Variants in GABRB1 observed in about 807,000 individuals in gnomAD.
GABRB1 encodes the protein gamma-aminobutyric acid receptor subunit beta-1.
In GABRB1, 17 loss-of-function variants were observed where a neutral mutation model predicts 51.6. The ratio of observed to expected loss-of-function variants is 0.33; its 90% CI spans 0.23 to 0.49. The LOEUF is 0.49. Ranked by LOEUF, GABRB1 falls within the 20% of genes least tolerant of loss-of-function variation. GABRB1 has a pLI of 0.99. For missense variants in GABRB1, 410 were observed against 600.6 expected (o/e 0.68, Z 3.32); for synonymous variants, 247 against 218.9 (o/e 1.13, Z -1.14).
chr4:47,387,048 AC>A (rs2110035187), intron 5 of GABRB1, among the ~76,000 whole-genome samples: 3 of 152,358 alleles, frequency 2.0e-5, no homozygotes, highest in African/African-American at 7.2e-5. Flanking sequence ...GGGAAATCTT[AC>A]AGGGCTCTGT....
chr4:47,049,284 G>C (rs1341584574), intron 3 of GABRB1, among the ~76,000 whole-genome samples: 2 of 152,148 alleles, frequency 1.3e-5, no homozygotes, highest in Non-Finnish European at 2.9e-5. Flanking sequence ...CAAGATTCCT[G>C]CCGGTGGAAA....
chr4:47,218,366 C>T (rs982094772), intron 4 of GABRB1, among the ~76,000 whole-genome samples: 13 of 151,748 alleles, frequency 8.6e-5, no homozygotes, highest in Admixed American at 7.2e-4. Flanking sequence ...AATGGGATTG[C>T]TGCATTGTAT....
chr4:47,212,751 C>T (rs28663255), intron 4 of GABRB1, among the ~76,000 whole-genome samples: 30,964 of 152,034 alleles, frequency 0.2, 3,297 homozygotes, highest in East Asian at 0.25. Flanking sequence ...TTAATTATTC[C>T]TATAAAAAAT....
chr4:47,323,301 A>T (rs1725147372), intron 5 of GABRB1, among the ~76,000 whole-genome samples: 1 of 152,210 alleles, frequency 6.6e-6, no homozygotes, highest in African/African-American at 2.4e-5. Flanking sequence ...TGAATCCCTT[A>T]TTAACAATAG....
intron 4 of GABRB1, among the ~76,000 whole-genome samples, chr4:47,188,827 G>A (rs937899206): frequency 2.6e-5 from 4 of 151,956 alleles, no homozygotes; most frequent in African/African-American, 7.2e-5. Flanking sequence ...CCTGGCTTAT[G>A]TAAGTTCAAT....
At chr4:47,412,194 A>G (rs1728779360) in intron 8 of GABRB1, among the ~76,000 whole-genome samples, 1 of 152,174 alleles carries the variant, frequency 6.6e-6, no homozygotes, top group African/African-American at 2.4e-5. Context: ...TTTAAGCTAC[A>G]GCTTCCCAAT....
intron 8 of GABRB1, among the ~76,000 whole-genome samples, 194 bp from the exon 9 acceptor site, chr4:47,425,480 T>TGATAGACA (rs1553884619): frequency 2.8e-5 from 4 of 142,318 alleles, no homozygotes; most frequent in East Asian, 2.1e-4. Context: ...TGGATGATGA[T>TGATAGACA]GATAGATAGA....
intron 4 of GABRB1, among the ~76,000 whole-genome samples, chr4:47,286,912 G>A (rs187029929): frequency 2.0e-5 from 3 of 152,238 alleles, no homozygotes; most frequent in Admixed American, 6.5e-5. Context: ...CCACCCATTA[G>A]CAACACCCTA....
chr4:47,195,468 T>TG (rs1719644269), intron 4 of GABRB1, among the ~76,000 whole-genome samples: 5 of 88,140 alleles, frequency 5.7e-5, no homozygotes, highest in Non-Finnish European at 2.4e-5. Flanking sequence ...AGATGATAGA[T>TG]AGATAGATAG....
intron 4 of GABRB1, among the ~76,000 whole-genome samples, chr4:47,262,629 A>G (rs1429178935): frequency 6.6e-6 from 1 of 152,202 alleles, no homozygotes; most frequent in Non-Finnish European, 1.5e-5. Context: ...TGTGGAAGTC[A>G]GTGTGGCGAT....
intron 8 of GABRB1, among the ~76,000 whole-genome samples, chr4:47,414,614 ACAATAC>A (rs1422401121): frequency 3.3e-5 from 5 of 152,276 alleles, no homozygotes; most frequent in Admixed American, 1.3e-4. Context: ...TTTTCCTTTC[ACAATAC>A]CAAATATGCA....
chr4:47,038,840 A>G (rs1231062131), intron 3 of GABRB1, among the ~76,000 whole-genome samples: 2 of 152,192 alleles, frequency 1.3e-5, no homozygotes, highest in African/African-American at 4.8e-5. Flanking sequence ...AGGGGGCTCA[A>G]ATGACATAAT....
intron 4 of GABRB1, among the ~76,000 whole-genome samples, chr4:47,300,144 G>A (rs1268658955): frequency 6.6e-6 from 1 of 151,686 alleles, no homozygotes; most frequent in Middle Eastern, 3.4e-3. Flanking sequence ...AAGGCTAAAT[G>A]ACAAGTTAAT....
intron 4 of GABRB1, among the ~76,000 whole-genome samples, chr4:47,166,955 A>C (rs10517188): frequency 0.015 from 2,322 of 152,184 alleles, 65 homozygotes; most frequent in African/African-American, 0.053. Context: ...CTGCAATTTA[A>C]TCTTACAAAT....
chr4:47,336,511 T>C (rs1439961827), intron 5 of GABRB1, among the ~76,000 whole-genome samples: 1 of 152,176 alleles, frequency 6.6e-6, no homozygotes, highest in Non-Finnish European at 1.5e-5. Flanking sequence ...CAAGACACAG[T>C]GGCAATAGCT....
chr4:47,221,611 T>C (rs1016763376), intron 4 of GABRB1, among the ~76,000 whole-genome samples: 1 of 151,906 alleles, frequency 6.6e-6, no homozygotes, highest in African/African-American at 2.4e-5. Context: ...TTCATGGTAG[T>C]TATGCCGTAT....
chr4:47,130,278 A>G (rs1168895805), intron 3 of GABRB1, among the ~76,000 whole-genome samples: 1 of 151,488 alleles, frequency 6.6e-6, no homozygotes, highest in African/African-American at 2.4e-5. Context: ...CCACCTCCAC[A>G]GCCCCATACC....
At position 47,257,606 on chromosome 4, in the gene GABRB1, CTACTT is replaced by C. The variant is rs544933145; in HGVS notation, c.462-62518_462-62514del. Among the ~76,000 whole-genome samples the C allele has an allele frequency of 2.0e-5, 3 of 151,462 alleles. No homozygotes were observed. In the East Asian group the frequency reaches 5.8e-4, roughly 29 times the overall value. On this transcript the variant is annotated intron_variant, in intron 4 of 8. Transcript: ENST00000295454. The stretch of plus-strand genomic sequence containing the variant: ...AGTTGATTGGTGAGAAGTGTCTTCT[CTACTT>C]TATTTTGGAACTGAGTTTAGAGAAG...
intron 4 of GABRB1, among the ~76,000 whole-genome samples, chr4:47,180,387 A>G (rs1372544051): frequency 1.3e-5 from 2 of 152,078 alleles, no homozygotes; most frequent in Non-Finnish European, 2.9e-5. Flanking sequence ...TGAGAAAAAT[A>G]TTTCTGATAA....
Sources: gnomAD v4.1 joint callset for allele counts (sites outside exome capture counted in the v4.1 genomes callset) on GRCh38, gnomAD v4.1.1 for gene constraint, MANE v1.5 for transcripts, NCBI Gene and HGNC (gene_info 2026-07-23, HGNC 2026-07-21) for gene names.